Variants in LSM5 observed in about 807,000 individuals in gnomAD.
The protein encoded by LSM5 is LSM5 homolog, U6 small nuclear RNA and mRNA degradation associated, also known as U6 snRNA-associated Sm-like protein LSm5.
A neutral mutation model predicts 13.8 loss-of-function variants in LSM5; 8 were observed. The observed-to-expected ratio is 0.58, with a 90% CI of 0.34 to 1.04. The LOEUF (loss-of-function observed/expected upper bound fraction) is 1.04, where lower values mean the gene tolerates loss of function less well. LSM5 is among the 50% of genes least tolerant of loss of function. The pLI, the probability that LSM5 is intolerant of heterozygous loss-of-function variation, is 0.03. For synonymous variants in LSM5, 35 were observed against 37.0 expected, an observed-to-expected ratio of 0.95 and a Z score of 0.20; for missense variants, 80 against 108.1, an observed-to-expected ratio of 0.74 and a Z score of 1.15.
chr7:32,490,159 A>G, intron 1 of LSM5, 161 bp downstream of exon 1: 2 of 1,546,994 alleles, frequency 1.3e-6, no homozygotes, highest in Non-Finnish European at 1.7e-6. Flanking sequence ...GTTAAAGAGC[A>G]GGTGCGGCCT....
At chr7:32,488,365 G>T in intron 3 of LSM5, 1 of 394,114 alleles carries the variant, frequency 2.5e-6, no homozygotes, top group East Asian at 4.7e-5. Context: ...TCCTTTATTT[G>T]ACCTGAACCC....
upstream of LSM5, among the ~76,000 whole-genome samples, chr7:32,494,530 TCA>T (rs1367626769): frequency 5.3e-5 from 8 of 152,250 alleles, no homozygotes; most frequent in Non-Finnish European, 1.0e-4. Context: ...GTGCAAAATA[TCA>T]CAGTTACTGT....
chr7:32,487,375 T>C, intron 4 of LSM5, 82 bp from the exon 5 acceptor site: 2 of 1,143,510 alleles, frequency 1.7e-6, no homozygotes, highest in Non-Finnish European at 1.3e-6. Context: ...TAAGCCACCT[T>C]TGCCTGTCCC....
intron 1 of LSM5, among the ~76,000 whole-genome samples, chr7:32,489,812 T>C (rs1292628527): frequency 6.6e-6 from 1 of 152,212 alleles, no homozygotes; most frequent in Non-Finnish European, 1.5e-5. Context: ...GGCTATGGTT[T>C]ATCATTGAAA....
rs1786537966 is a variant in LSM5 at position 32,489,933 on chromosome 7, C to T, written c.46+387G>A. ...TCCTCATTTAAGGCTCATTCCGGACCAGGGTGTTAGTGTCACTAACCAACC... is the reference window on the plus strand; with the variant it reads ...TCCTCATTTAAGGCTCATTCCGGACTAGGGTGTTAGTGTCACTAACCAACC... On this transcript the variant is annotated intron_variant, in intron 1 of 4. Transcript: ENST00000450169. 8 of 808,368 alleles carry T rather than the reference C, an allele frequency of 9.9e-6. No individual in the cohort carries two copies. In the South Asian group the frequency reaches 1.1e-4, roughly 11 times the overall value. 50.1% of individuals were successfully genotyped at this position (808,368 alleles called of 1,614,324 possible).
upstream of LSM5, among the ~76,000 whole-genome samples, chr7:32,491,666 G>A (rs145905805): frequency 5.9e-5 from 9 of 152,234 alleles, no homozygotes; most frequent in African/African-American, 2.2e-4. Context: ...GAAAAAATGG[G>A]GACAACAGTA....
intron 2 of LSM5, 37 bp downstream of exon 2, chr7:32,489,211 AG>A (rs1347115536): frequency 5.5e-5 from 57 of 1,028,534 alleles, no homozygotes; most frequent in Non-Finnish European, 7.8e-5. Context: ...TTATTACTTA[AG>A]AAAAACCTAT....
intron 1 of LSM5, chr7:32,489,999 G>A (rs1179105551): frequency 4.6e-6 from 6 of 1,293,582 alleles, no homozygotes; most frequent in East Asian, 7.7e-5. Flanking sequence ...GATCGTAAAC[G>A]CCAGGCTGAG....
chr7:32,493,947 A>G (rs921409), upstream of LSM5, among the ~76,000 whole-genome samples: 116,815 of 151,664 alleles, frequency 0.77, 45,524 homozygotes, highest in East Asian at 0.83. Flanking sequence ...CACCTCCCGG[A>G]TTCAAGCAAT....
chr7:32,488,008 C>G, intron 3 of LSM5: 1 of 420,380 alleles, frequency 2.4e-6, no homozygotes. Flanking sequence ...GAAGTGAAAG[C>G]TTGCCCAGGA....
upstream of LSM5, among the ~76,000 whole-genome samples, chr7:32,494,805 AATAATCATTTTAC>A (rs1312109731): frequency 2.0e-5 from 3 of 152,244 alleles, no homozygotes; most frequent in Non-Finnish European, 4.4e-5. Context: ...GCAGGACTAG[AATAATCATTTTAC>A]ACGTATCCAA....
intron 1 of LSM5, chr7:32,489,608 A>C (rs770215795): frequency 1.5e-5 from 6 of 394,226 alleles, no homozygotes; most frequent in Non-Finnish European, 2.7e-5. Context: ...CAACTACAAA[A>C]ATATAAGAGG....
At chr7:32,490,066 C>T (rs1445083733) in intron 1 of LSM5, 6 of 1,466,058 alleles carry the variant, frequency 4.1e-6, no homozygotes, top group Non-Finnish European at 4.5e-6. Context: ...AGTAGGCCGA[C>T]GACGCGTTCA....
Position 32,489,271 on chromosome 7 carries a change from A to G in LSM5, c.120T>C (p.Leu40=). The part of the protein sequence containing the change: ...MKSDKEIVGT[L]LGFDDFVNMV... ...TACTGACAAAGTCATCAAATCCTAG[A>G]AGAGTACCAACAATTTCCTTATCAC... Residue 40 remains leucine, a synonymous_variant, in exon 2 of 5, where the codon CTT becomes CTC. Coordinates refer to ENST00000450169, the MANE Select transcript of LSM5 (RefSeq NM_012322.3). The G allele has an allele frequency of 1.9e-6, 3 of 1,602,106 alleles. No homozygotes were observed. The highest frequency in any genetic ancestry group is 2.6e-6 in the Non-Finnish European group (3 of 1,170,570).
rs1274831287 is a variant in LSM5, at chr7:32,490,175, C to A, written c.46+145G>T. On this transcript the variant is annotated intron_variant, in intron 1 of 4. Coordinates refer to ENST00000450169, the MANE Select transcript of LSM5 (RefSeq NM_012322.3). ...TTAAAGAGCAGGTGCGGCCTGCTGT[C>A]GCGAAGACTTGGAGCTCAGAGTCGA... 4 of 1,556,258 alleles carry A rather than the reference C, an allele frequency of 2.6e-6. No homozygotes were observed. In the Admixed American group the frequency reaches 5.8e-5, roughly 23 times the overall value.
chr7:32,489,176 A>G (rs1786515428), intron 2 of LSM5, 73 bp downstream of exon 2: 1 of 745,730 alleles, frequency 1.3e-6, no homozygotes, highest in Non-Finnish European at 2.3e-6. Context: ...AATCACAAAT[A>G]TACTGATTGT....
upstream of LSM5, among the ~76,000 whole-genome samples, chr7:32,493,701 T>C (rs937731673): frequency 3.3e-5 from 5 of 150,604 alleles, no homozygotes; most frequent in Admixed American, 2.0e-4. Flanking sequence ...CCACCATGCC[T>C]GGCTAATTTT....
chr7:32,489,756 T>C (rs975272186), intron 1 of LSM5, among the ~76,000 whole-genome samples: 2 of 152,242 alleles, frequency 1.3e-5, no homozygotes, highest in Non-Finnish European at 2.9e-5. Context: ...TGTCTACTTG[T>C]CCAGTGTTCT....
chr7:32,493,976 C>G (rs991839150), upstream of LSM5, among the ~76,000 whole-genome samples: 1 of 151,856 alleles, frequency 6.6e-6, no homozygotes, highest in African/African-American at 2.4e-5. Flanking sequence ...CTCAGCCGTC[C>G]GAGTAGCTGG....
Sources: allele counts gnomAD v4.1 joint callset (sites outside exome capture counted in the v4.1 genomes callset), GRCh38; gene constraint gnomAD v4.1.1; transcripts MANE v1.5; gene names NCBI Gene and HGNC (gene_info 2026-07-23, HGNC 2026-07-21).